The following FAM210A variants were observed in gnomAD, a reference collection of about 807,000 sequenced individuals.
FAM210A encodes family with sequence similarity 210 member A.
In FAM210A, 13 loss-of-function variants were observed where a neutral mutation model predicts 25.3. The observed-to-expected ratio is 0.51, with a 90% CI of 0.33 to 0.82. FAM210A has a LOEUF of 0.82. FAM210A is among the 40% of genes least tolerant of loss of function. The pLI is 0.02. For missense variants in FAM210A, 319 were observed against 323.2 expected (o/e 0.99, Z 0.10); for synonymous variants, 125 against 118.7 (o/e 1.05, Z -0.35).
rs56656145 is a variant in FAM210A, at chr18:13,665,381, C to CAAAAAAAAAAAAAAAAAAAAAAAAAAAAA, written c.*1098_*1099insTTTTTTTTTTTTTTTTTTTTTTTTTTTTT. The CAAAAAAAAAAAAAAAAAAAAAAAAAAAAA allele has an allele frequency of 2.5e-4, 16 of 63,704 alleles. No homozygotes were observed. The highest frequency in any genetic ancestry group is 4.2e-4 in the Non-Finnish European group (13 of 31,304). 3.9% of individuals were successfully genotyped at this position (63,704 alleles called of 1,614,324 possible). On this transcript the variant is annotated 3_prime_UTR_variant, in exon 4 of 4. Coordinates refer to ENST00000651643, the MANE Select transcript of FAM210A (RefSeq NM_152352.4). ...GGAGAGAGAGAGGGAGGCTCCGTCT[C>CAAAAAAAAAAAAAAAAAAAAAAAAAAAAA]AAAAAAAAAAAAAAAAAAAAAAAAA...
At chr18:13,700,559 T>C (rs928320561) in intron 1 of FAM210A, among the ~76,000 whole-genome samples, 1 of 152,228 alleles carries the variant, frequency 6.6e-6, no homozygotes, top group Non-Finnish European at 1.5e-5. Flanking sequence ...TTCATCTCCC[T>C]GTCACCAGAC....
At chr18:13,718,315 A>G (rs1366674616) in intron 1 of FAM210A, among the ~76,000 whole-genome samples, 1 of 152,176 alleles carries the variant, frequency 6.6e-6, no homozygotes, top group African/African-American at 2.4e-5. Flanking sequence ...AGGGACTACA[A>G]AAATGGAAGG....
chr18:13,718,622 A>C (rs1490708049), intron 1 of FAM210A, among the ~76,000 whole-genome samples: 1 of 152,182 alleles, frequency 6.6e-6, no homozygotes, highest in African/African-American at 2.4e-5. Flanking sequence ...CTGAAAATAA[A>C]GGATTGAGAG....
chr18:13,701,133 T>A (rs1292233321), intron 1 of FAM210A, among the ~76,000 whole-genome samples: 1 of 150,728 alleles, frequency 6.6e-6, no homozygotes, highest in African/African-American at 2.4e-5. Flanking sequence ...CTTCTAATGA[T>A]CTCCAGGAGC....
chr18:13,681,625 T>C lies in FAM210A; in HGVS notation c.453A>G (p.Thr151=), dbSNP rs1483114636. The change falls in exon 2 of 4, where the codon ACA becomes ACG. Residue 151 remains threonine (T), a synonymous_variant. Coordinates refer to ENST00000651643, the MANE Select transcript of FAM210A (RefSeq NM_152352.4). ...CTTACTTCAAGGCTGCATAATAAAA[T>C]GTTCCAAACCAAACACCAGAAGTTA... The part of the protein sequence containing the change: ...HLITSGVWFG[T]FYYAALKGVN... The C allele has an allele frequency of 1.3e-5, 21 of 1,603,426 alleles. No homozygotes were observed. The highest frequency in any genetic ancestry group is 6.7e-5 in the East Asian group (3 of 44,774).
chr18:13,673,600 G>A (rs1477335041), intron 2 of FAM210A, among the ~76,000 whole-genome samples: 12 of 131,506 alleles, frequency 9.1e-5, no homozygotes, highest in Non-Finnish European at 1.3e-4. Context: ...TTCCTGAGCC[G>A]TGACTTATTT....
At chr18:13,681,277 A>C (rs2043551212) in intron 2 of FAM210A, among the ~76,000 whole-genome samples, 1 of 152,192 alleles carries the variant, frequency 6.6e-6, no homozygotes, top group Non-Finnish European at 1.5e-5. Context: ...ACTTCTTAGC[A>C]ACTGAGTTAT....
At chr18:13,682,133 AG>A in intron 1 of FAM210A, 28 bp from the exon 2 acceptor site, 1 of 1,420,086 alleles carries the variant, frequency 7.0e-7, no homozygotes, top group Non-Finnish European at 9.6e-7. Flanking sequence ...CAAAAAAATT[AG>A]GTAATACTTA....
intron 1 of FAM210A, among the ~76,000 whole-genome samples, chr18:13,701,324 G>A (rs78252160): frequency 0.014 from 2,180 of 151,480 alleles, 49 homozygotes; most frequent in African/African-American, 0.049. Context: ...AACAGAAATC[G>A]AACTGGGTTC....
At chr18:13,681,107 T>G (rs917210082) in intron 2 of FAM210A, among the ~76,000 whole-genome samples, 2 of 152,218 alleles carry the variant, frequency 1.3e-5, no homozygotes, top group Non-Finnish European at 2.9e-5. Flanking sequence ...TTTATGAACA[T>G]TCTAAGAAAT....
In FAM210A at chr18:13,663,610, C is replaced by T. The variant is rs2043377391; in HGVS notation, c.*2870G>A. 6.6e-6 allele frequency: 1 copy of T among 152,146 alleles called. No homozygotes were observed. Among genetic ancestry groups the T allele is most frequent in the Non-Finnish European group, 1.5e-5 (1 of 68,034 alleles). The allele number at this position is 152,146 out of a possible 1,614,324, so 9.4% of individuals were successfully genotyped here. On this transcript the variant is annotated 3_prime_UTR_variant, in exon 4 of 4. Transcript: ENST00000651643. ...TTGTGCATTTTACACAGGCGAATCT[C>T]AGTCCTAGCTCCCTCCCCACCCGGT...
intron 1 of FAM210A, among the ~76,000 whole-genome samples, chr18:13,683,776 T>A (rs2043574649): frequency 6.6e-6 from 1 of 152,150 alleles, no homozygotes; most frequent in South Asian, 2.1e-4. Context: ...ACAGACACTT[T>A]AACTATATCC....
chr18:13,718,180 T>C (rs1379712702), intron 1 of FAM210A, among the ~76,000 whole-genome samples: 1 of 152,184 alleles, frequency 6.6e-6, no homozygotes, highest in East Asian at 1.9e-4. Flanking sequence ...ACCTGTGTTG[T>C]TTTAAGTTGC....
At chr18:13,683,028 T>A (rs1404440063) in intron 1 of FAM210A, among the ~76,000 whole-genome samples, 2 of 152,300 alleles carry the variant, frequency 1.3e-5, no homozygotes, top group East Asian at 3.9e-4. Flanking sequence ...TGGGTTCTGA[T>A]GCTTTGGGGA....
At chr18:13,701,213 C>T (rs1384241065) in intron 1 of FAM210A, among the ~76,000 whole-genome samples, 2 of 152,196 alleles carry the variant, frequency 1.3e-5, no homozygotes, top group Non-Finnish European at 2.9e-5. Context: ...AGCTGGGGAT[C>T]ATGGTAAGTT....
At chr18:13,697,494 G>C (rs537720748) in intron 1 of FAM210A, 1 of 172,182 alleles carries the variant, frequency 5.8e-6, no homozygotes, top group Non-Finnish European at 1.2e-5. Context: ...AAATGGTGCA[G>C]CCACTTTGGA....
chr18:13,712,526 G>A (rs1007127650), intron 1 of FAM210A, among the ~76,000 whole-genome samples: 9 of 152,100 alleles, frequency 5.9e-5, no homozygotes, highest in Non-Finnish European at 1.3e-4. Flanking sequence ...TAGGGCTTTC[G>A]GGGAGGTGAT....
At chr18:13,675,443 T>G (rs76373713) in intron 2 of FAM210A, among the ~76,000 whole-genome samples, 9 of 24,548 alleles carry the variant, frequency 3.7e-4, no homozygotes, top group Admixed American at 5.3e-4. Flanking sequence ...CTGGCTTCTT[T>G]ATTTCCAGTT....
chr18:13,712,928 G>A (rs900143259), intron 1 of FAM210A, among the ~76,000 whole-genome samples: 1 of 152,188 alleles, frequency 6.6e-6, no homozygotes, highest in Non-Finnish European at 1.5e-5. Flanking sequence ...GACAGATAGT[G>A]CTTGTGGACT....
Sources: gnomAD v4.1 joint callset for allele counts (sites outside exome capture counted in the v4.1 genomes callset) on GRCh38, gnomAD v4.1.1 for gene constraint, MANE v1.5 for transcripts, NCBI Gene and HGNC (gene_info 2026-07-23, HGNC 2026-07-21) for gene names.